PDE4B: variants seen among roughly 807,000 people sequenced by gnomAD.
The protein encoded by PDE4B is 3',5'-cyclic-AMP phosphodiesterase 4B.
PDE4B carries 20 observed loss-of-function variants against 82.2 expected under a neutral mutation model. The ratio of observed to expected loss-of-function variants is 0.24; its 90% CI spans 0.17 to 0.35. The LOEUF (loss-of-function observed/expected upper bound fraction) is 0.35, where lower values mean the gene tolerates loss of function less well. Among genes scored for constraint, PDE4B ranks in the 10% least tolerant of loss-of-function variants. The pLI, the probability that PDE4B is intolerant of heterozygous loss-of-function variation, is 1.00. For missense variants in PDE4B, 655 were observed against 907.2 expected, an observed-to-expected ratio of 0.72 and a Z score of 3.57; for synonymous variants, 320 against 318.9, an observed-to-expected ratio of 1.00 and a Z score of -0.04.
chr1:65,999,000 G>C (rs958600395), intron 3 of PDE4B, among the ~76,000 whole-genome samples: 1 of 152,074 alleles, frequency 6.6e-6, no homozygotes, highest in Non-Finnish European at 1.5e-5. Context: ...TATAAATAGT[G>C]TTTTCCTGGC....
chr1:66,047,601 A>T (rs1654786446), intron 3 of PDE4B, among the ~76,000 whole-genome samples: 1 of 151,358 alleles, frequency 6.6e-6, no homozygotes, highest in African/African-American at 2.4e-5. Flanking sequence ...GCTGAATTAA[A>T]TATTTTAGAG....
intron 7 of PDE4B, among the ~76,000 whole-genome samples, chr1:66,270,379 A>G (rs955716586): frequency 1.3e-5 from 2 of 152,202 alleles, no homozygotes; most frequent in African/African-American, 4.8e-5. Flanking sequence ...GATTATGACT[A>G]TCCCTCCGGA....
intron 12 of PDE4B, among the ~76,000 whole-genome samples, chr1:66,364,174 A>G (rs1361495317): frequency 6.6e-6 from 1 of 152,210 alleles, no homozygotes; most frequent in Admixed American, 6.5e-5. Flanking sequence ...AGAGCACTAT[A>G]TTCCAAGGGG....
intron 1 of PDE4B, among the ~76,000 whole-genome samples, chr1:65,796,454 T>C (rs1161769874): frequency 6.6e-6 from 1 of 152,056 alleles, no homozygotes; most frequent in Non-Finnish European, 1.5e-5. Flanking sequence ...AAAACATTCA[T>C]TGGTCTGTTT....
Position 66,093,318 on chromosome 1 carries a change from T to A in PDE4B, c.282-154142T>A, listed in dbSNP as rs1570211841. Among the ~76,000 whole-genome samples the A allele has an allele frequency of 4.6e-5, 7 of 152,190 alleles. No homozygotes were observed. In the South Asian group the frequency reaches 1.5e-3, roughly 32 times the overall value. ...CGTATTTGTATATACATTATTTCAT[T>A]TAATTCTAAAAACCACATGATGAGG... On this transcript the variant is annotated intron_variant, in intron 3 of 16. Coordinates refer to ENST00000341517, the MANE Select transcript of PDE4B (RefSeq NM_002600.4).
chr1:66,050,668 G>A (rs553980880), intron 3 of PDE4B: 54 of 152,160 alleles, frequency 3.5e-4, no homozygotes, highest in Middle Eastern at 3.4e-3. Context: ...AACATGTAAC[G>A]TTGATTCTGT....
At position 66,373,223 on chromosome 1, in the gene PDE4B, T is replaced by G; in HGVS notation, c.*545T>G. ...AGGGAAAGAAAATAGTCTTCCTTCT[T>G]TCTTGGGCAATATCCTTCACTTTAC... On this transcript the variant is annotated 3_prime_UTR_variant, in exon 17 of 17. Transcript: ENST00000341517. 1 of 154,418 alleles carries G rather than the reference T, an allele frequency of 6.5e-6. No homozygotes were observed. The allele number at this position is 154,418 out of a possible 1,614,324, so 9.6% of individuals were successfully genotyped here. A position where few individuals can be genotyped will look rare whatever the true frequency, so the allele number is the denominator to read the frequency against.
chr1:65,924,081 T>TC (rs1408935385), intron 3 of PDE4B, among the ~76,000 whole-genome samples: 3 of 30,696 alleles, frequency 9.8e-5, no homozygotes, highest in African/African-American at 2.0e-4. Flanking sequence ...TTGCTAATTT[T>TC]TTTTTTTTTT....
At chr1:66,192,322 T>C (rs1022771482) in intron 3 of PDE4B, among the ~76,000 whole-genome samples, 1 of 152,124 alleles carries the variant, frequency 6.6e-6, no homozygotes, top group African/African-American at 2.4e-5. Context: ...AAAAAAACCA[T>C]TTGGTAATCA....
intron 3 of PDE4B, among the ~76,000 whole-genome samples, chr1:66,242,092 A>G (rs950672777): frequency 2.6e-5 from 4 of 152,196 alleles, no homozygotes; most frequent in African/African-American, 9.7e-5. Flanking sequence ...ACACAAGAGT[A>G]TAGTCTAGCA....
At chr1:65,803,352 GT>G (rs1217682465) in intron 1 of PDE4B, among the ~76,000 whole-genome samples, 1 of 152,138 alleles carries the variant, frequency 6.6e-6, no homozygotes, top group Non-Finnish European at 1.5e-5. Context: ...TCTAAAAGGT[GT>G]TATATAAATT....
At position 65,966,443 on chromosome 1, in the gene PDE4B, A is replaced by T. The variant is rs1420689718; in HGVS notation, c.281+47608A>T. Among the ~76,000 whole-genome samples the T allele has an allele frequency of 2.0e-5, 3 of 152,230 alleles. No homozygotes were observed. The South Asian group carries it at 6.2e-4, about 32-fold the overall frequency. On this transcript the variant is annotated intron_variant, in intron 3 of 16. Coordinates refer to ENST00000341517, the MANE Select transcript of PDE4B (RefSeq NM_002600.4). ...AACATTCCGTCCTCATGGATAGAAG[A>T]ATCAATATCATGAAAATGGCCATAC...
chr1:66,011,475 C>T (rs1652483549), intron 3 of PDE4B, among the ~76,000 whole-genome samples: 1 of 151,980 alleles, frequency 6.6e-6, no homozygotes, highest in African/African-American at 2.4e-5. Context: ...TACAGCAAGG[C>T]TAGTGAAACA....
intron 3 of PDE4B, among the ~76,000 whole-genome samples, chr1:65,967,847 C>T (rs781697026): frequency 6.6e-6 from 1 of 151,964 alleles, no homozygotes; most frequent in African/African-American, 2.4e-5. Flanking sequence ...GGGAGGGGAA[C>T]ATCACACACC....
intron 3 of PDE4B, among the ~76,000 whole-genome samples, chr1:65,929,985 A>G (rs1284507558): frequency 1.3e-5 from 2 of 152,142 alleles, no homozygotes; most frequent in Admixed American, 6.5e-5. Context: ...ACCAAAATCT[A>G]TATTTGCCAG....
intron 3 of PDE4B, among the ~76,000 whole-genome samples, chr1:66,111,812 A>G (rs547296939): frequency 3.5e-4 from 53 of 152,144 alleles, no homozygotes; most frequent in Admixed American, 6.6e-4. Context: ...ACTTCTTTAG[A>G]TTAGGTATTT....
chr1:66,348,006 A>T (rs1345842912), intron 8 of PDE4B, among the ~76,000 whole-genome samples: 1 of 152,198 alleles, frequency 6.6e-6, no homozygotes, highest in African/African-American at 2.4e-5. Flanking sequence ...GTCCTAAAAC[A>T]TAGGTGTTAT....
intron 3 of PDE4B, among the ~76,000 whole-genome samples, chr1:66,105,347 G>A (rs1179856332): frequency 1.3e-5 from 2 of 151,762 alleles, no homozygotes; most frequent in East Asian, 1.9e-4. Context: ...CTGTAGCCTT[G>A]TAGTATAGTT....
At chr1:66,055,516 T>G (rs972985090) in intron 3 of PDE4B, among the ~76,000 whole-genome samples, 16 of 152,238 alleles carry the variant, frequency 1.1e-4, no homozygotes, top group Admixed American at 9.8e-4. Context: ...TTCTACTTCT[T>G]TCAATACTCT....
Sources: gnomAD v4.1 joint callset for allele counts (sites outside exome capture counted in the v4.1 genomes callset) on GRCh38, gnomAD v4.1.1 for gene constraint, MANE v1.5 for transcripts, NCBI Gene and HGNC (gene_info 2026-07-23, HGNC 2026-07-21) for gene names.